The following HDAC9 variants were observed in gnomAD, a reference collection of about 807,000 sequenced individuals.
HDAC9 encodes the protein histone deacetylase 9, also known as MEF-2 interacting transcription repressor (MITR) protein.
Under a neutral mutation model 139.4 loss-of-function variants are expected in HDAC9, and 41 were observed. That is an observed-to-expected ratio of 0.29 (90% CI 0.23 to 0.38). The LOEUF is 0.38. Among genes scored for constraint, HDAC9 ranks in the 10% least tolerant of loss-of-function variants. HDAC9 has a pLI of 1.00. For synonymous variants in HDAC9, 517 were observed against 476.2 expected (o/e 1.09, Z -1.12); for missense variants, 1,147 against 1,297.0 (o/e 0.88, Z 1.78).
chr7:18,948,573 A>G (rs928883570), intron 23 of HDAC9, among the ~76,000 whole-genome samples: 2 of 152,150 alleles, frequency 1.3e-5, no homozygotes, highest in Non-Finnish European at 2.9e-5. Context: ...CTATAAATAT[A>G]AAATTACTTC....
chr7:18,314,553 A>G (rs1261048735), intron 1 of HDAC9, among the ~76,000 whole-genome samples: 1 of 152,172 alleles, frequency 6.6e-6, no homozygotes, highest in Non-Finnish European at 1.5e-5. Flanking sequence ...TGGCAAGAAA[A>G]TCTAGAAGAG....
At chr7:18,516,592 G>T (rs1047609158) in intron 2 of HDAC9, among the ~76,000 whole-genome samples, 2 of 152,144 alleles carry the variant, frequency 1.3e-5, no homozygotes, top group South Asian at 2.1e-4. Flanking sequence ...GGGTGCAGTG[G>T]TTCACGCCTG....
chr7:18,442,029 C>T (rs1791822436), intron 1 of HDAC9, among the ~76,000 whole-genome samples: 1 of 152,154 alleles, frequency 6.6e-6, no homozygotes, highest in Non-Finnish European at 1.5e-5. Flanking sequence ...CTCAGCCTCC[C>T]AAAGTGCTAG....
intron 1 of HDAC9, among the ~76,000 whole-genome samples, chr7:18,147,729 G>GA (rs1786449832): frequency 6.6e-6 from 1 of 151,634 alleles, no homozygotes; most frequent in African/African-American, 2.4e-5. Flanking sequence ...ATCCTGAGTT[G>GA]AATGTGGTGT....
intron 1 of HDAC9, among the ~76,000 whole-genome samples, chr7:18,143,647 G>T (rs540442285): frequency 6.6e-6 from 1 of 151,996 alleles, no homozygotes; most frequent in East Asian, 1.9e-4. Flanking sequence ...TTAGCTAGGC[G>T]TGGTGGCGGG....
At chr7:18,528,841 C>G (rs1807829056) in intron 2 of HDAC9, among the ~76,000 whole-genome samples, 1 of 152,122 alleles carries the variant, frequency 6.6e-6, no homozygotes, top group Admixed American at 6.6e-5. Flanking sequence ...ACTCTTCTTT[C>G]TAACTTTAAC....
At chr7:18,479,725 C>G (rs1455669949) in intron 1 of HDAC9, among the ~76,000 whole-genome samples, 1 of 151,588 alleles carries the variant, frequency 6.6e-6, no homozygotes, top group Admixed American at 6.6e-5. Flanking sequence ...CTATTTTTTT[C>G]TTTATTGTCC....
intron 1 of HDAC9, chr7:18,459,048 A>G (rs756993981): frequency 5.3e-5 from 33 of 628,484 alleles, no homozygotes; most frequent in Non-Finnish European, 6.5e-5. Flanking sequence ...GCCACGGGCT[A>G]CTGACCAAGA....
rs1491507465 is a variant in HDAC9, at chr7:18,732,924, C to CGT, written c.1909+5172_1909+5173dup. On this transcript the variant is annotated intron_variant, in intron 13 of 25. Transcript: ENST00000686413. ...ACACGTGTGCGTATGTGTATACACA[C>CGT]GTGTGTATGTATGTGTATACACACG... Among the ~76,000 whole-genome samples, 2 of 116,808 alleles carry CGT rather than the reference C, an allele frequency of 1.7e-5. 1 individual carries two copies. The highest frequency in any genetic ancestry group is 1.6e-4 in the Admixed American group (2 of 12,740). The allele number at this position is 116,808 out of a possible 152,430, so 76.6% of individuals were successfully genotyped here. A position where few individuals can be genotyped will look rare whatever the true frequency, so the allele number is the denominator to read the frequency against.
At chr7:18,867,349 C>T (rs1419640333) in intron 21 of HDAC9, among the ~76,000 whole-genome samples, 1 of 152,178 alleles carries the variant, frequency 6.6e-6, no homozygotes, top group East Asian at 1.9e-4. Context: ...TCCCATGCCT[C>T]ATTCTTTCTT....
At chr7:18,877,505 A>C (rs980559492) in intron 22 of HDAC9, among the ~76,000 whole-genome samples, 3 of 152,062 alleles carry the variant, frequency 2.0e-5, no homozygotes, top group African/African-American at 7.2e-5. Context: ...TTCTAGCAAA[A>C]CTCATTCCTG....
intron 2 of HDAC9, among the ~76,000 whole-genome samples, chr7:18,507,650 C>A (rs1465871126): frequency 1.3e-5 from 2 of 152,080 alleles, no homozygotes; most frequent in African/African-American, 4.8e-5. Flanking sequence ...TGCCACCAAG[C>A]CTGGCTAAAT....
chr7:18,327,576 A>G (rs1007895815), intron 1 of HDAC9: 1 of 151,634 alleles, frequency 6.6e-6, no homozygotes, highest in African/African-American at 2.4e-5. Flanking sequence ...TTTTTGTGCT[A>G]AAAAAAACTG....
At chr7:18,316,636 A>AAG (rs1357180091) in intron 1 of HDAC9, among the ~76,000 whole-genome samples, 18 of 149,310 alleles carry the variant, frequency 1.2e-4, no homozygotes, top group Admixed American at 1.1e-3. Flanking sequence ...ATCTCTCCAA[A>AAG]AAAAAAAAAA....
At chr7:18,319,601 CT>C (rs1799890556) in intron 1 of HDAC9, among the ~76,000 whole-genome samples, 1 of 152,126 alleles carries the variant, frequency 6.6e-6, no homozygotes, top group Non-Finnish European at 1.5e-5. Context: ...AATTTACTTT[CT>C]TTTTTGACTT....
intron 12 of HDAC9, chr7:18,666,956 A>G (rs1162163278): frequency 2.0e-6 from 2 of 990,558 alleles, no homozygotes; most frequent in African/African-American, 1.7e-5. Context: ...TACATAATGT[A>G]TCATACTATA....
intron 6 of HDAC9, among the ~76,000 whole-genome samples, chr7:18,604,433 G>A (rs1834853216): frequency 6.6e-6 from 1 of 150,960 alleles, no homozygotes; most frequent in Non-Finnish European, 1.5e-5. Flanking sequence ...TTGAGACGGA[G>A]TCTTGCTCTG....
chr7:18,272,010 A>G (rs1263589221), intron 2 of HDAC9, among the ~76,000 whole-genome samples: 1 of 152,208 alleles, frequency 6.6e-6, no homozygotes, highest in Non-Finnish European at 1.5e-5. Flanking sequence ...GATTAGTACA[A>G]TATTTGTTGA....
chr7:18,589,057 G>A (rs1197103451), intron 3 of HDAC9, among the ~76,000 whole-genome samples: 1 of 152,110 alleles, frequency 6.6e-6, no homozygotes, highest in Non-Finnish European at 1.5e-5. Flanking sequence ...TTACATATGA[G>A]GAAGTATGGC....
Sources: gnomAD v4.1 joint callset for allele counts (sites outside exome capture counted in the v4.1 genomes callset) on GRCh38, gnomAD v4.1.1 for gene constraint, MANE v1.5 for transcripts, NCBI Gene and HGNC (gene_info 2026-07-23, HGNC 2026-07-21) for gene names.